The following MED13 variants were observed in gnomAD, a reference collection of about 807,000 sequenced individuals.
MED13 encodes mediator complex subunit 13.
Under a neutral mutation model 225.2 loss-of-function variants are expected in MED13, and 23 were observed. That is an observed-to-expected ratio of 0.10 (90% confidence interval 0.07 to 0.14). The LOEUF (loss-of-function observed/expected upper bound fraction) is 0.14, where lower values mean the gene tolerates loss of function less well. MED13 is among the 10% of genes least tolerant of loss of function. The pLI is 1.00. For missense variants in MED13, 2,197 were observed against 2,594.5 expected, an observed-to-expected ratio of 0.85 and a Z score of 3.33; for synonymous variants, 942 against 889.2, an observed-to-expected ratio of 1.06 and a Z score of -1.06.
chr17:61,971,126 G>T (rs1198563687), intron 17 of MED13, among the ~76,000 whole-genome samples: 1 of 151,976 alleles, frequency 6.6e-6, no homozygotes, highest in Non-Finnish European at 1.5e-5. Context: ...CAATTTGTAT[G>T]TTCATAAACA....
At chr17:61,998,166 A>G (rs1296083929) in intron 9 of MED13, among the ~76,000 whole-genome samples, 1 of 152,232 alleles carries the variant, frequency 6.6e-6, no homozygotes, top group Non-Finnish European at 1.5e-5. Context: ...CATACTGTCA[A>G]CATCAATTAT....
intron 9 of MED13, among the ~76,000 whole-genome samples, chr17:61,998,507 T>C (rs1194094511): frequency 6.6e-6 from 1 of 152,146 alleles, no homozygotes; most frequent in African/African-American, 2.4e-5. Context: ...GTATGACAGT[T>C]TTTAAGATGA....
chr17:61,961,016 T>A lies in MED13; in HGVS notation c.5331A>T (p.Gly1777=), dbSNP rs1438721953. 1 of 1,614,036 alleles carries A rather than the reference T, an allele frequency of 6.2e-7. No individual in the cohort carries two copies. The highest frequency in any genetic ancestry group is 8.5e-7 in the Non-Finnish European group (1 of 1,179,996). ...APVKDKQTEL[G]ETFGEAGQKY... is the part of the protein sequence containing the mutation. Reference sequence around the variant, plus strand: ...TCTGTCCAGCTTCTCCAAATGTTTCTCCTAGCTCTGTCTGTTTGTCCTTCA... The same window carrying A: ...TCTGTCCAGCTTCTCCAAATGTTTCACCTAGCTCTGTCTGTTTGTCCTTCA... The change falls in exon 23 of 30, where the codon GGA becomes GGT. Residue 1777 remains glycine, a synonymous_variant. Coordinates refer to ENST00000397786, the MANE Select transcript of MED13 (RefSeq NM_005121.3).
intron 3 of MED13, among the ~76,000 whole-genome samples, chr17:62,044,166 C>T (rs1163947204): frequency 6.6e-6 from 1 of 151,702 alleles, no homozygotes; most frequent in Non-Finnish European, 1.5e-5. Flanking sequence ...AAAAGCCATA[C>T]ATATGGCAGA....
At chr17:61,958,464 A>C (rs1347979132) in intron 23 of MED13, among the ~76,000 whole-genome samples, 1 of 150,580 alleles carries the variant, frequency 6.6e-6, no homozygotes, top group Non-Finnish European at 1.5e-5. Flanking sequence ...TCAGCCTCCC[A>C]AGTAGCTGGG....
chr17:62,035,352 A>G (rs1363243038), intron 4 of MED13, 111 bp downstream of exon 4: 1 of 933,566 alleles, frequency 1.1e-6, no homozygotes, highest in Non-Finnish European at 1.5e-6. Flanking sequence ...CAAAATCATC[A>G]TTAGGCTAAA....
chr17:62,029,571 G>A lies in MED13; in HGVS notation c.1253C>T (p.Ala418Val), dbSNP rs1012157271. The part of the protein sequence containing the change: ...AKVASWDFVE[A>V]TQRTNCSCLR... ...ACAACTGCAATTTGTTCTTTGTGTG[G>A]CTTCAACAAAATCCCAGGATGCCAC... Residue 418 changes from alanine to valine, a missense_variant, in exon 8 of 30, where the codon GCC (alanine) becomes GTC (valine). Ala to Val is a moderately conservative substitution (Grantham distance 64). Coordinates refer to ENST00000397786, the MANE Select transcript of MED13 (RefSeq NM_005121.3). 1.9e-6 allele frequency: 3 copies of A among 1,613,950 alleles called. No homozygotes were observed. Among genetic ancestry groups the A allele is most frequent in the Non-Finnish European group, 2.5e-6 (3 of 1,179,988 alleles).
chr17:61,993,482 G>C (rs1014359735), intron 10 of MED13, among the ~76,000 whole-genome samples: 1 of 151,592 alleles, frequency 6.6e-6, no homozygotes, highest in Non-Finnish European at 1.5e-5. Context: ...GATTACAGGC[G>C]TGAGACACAG....
chr17:61,952,940 A>T (rs2079909434), intron 27 of MED13, 25 bp downstream of exon 27: 4 of 1,605,156 alleles, frequency 2.5e-6, no homozygotes, highest in Non-Finnish European at 3.4e-6. Context: ...CGGCCGAGAA[A>T]AACTAAAACT....
intron 11 of MED13, 26 bp downstream of exon 11, chr17:61,992,514 T>A (rs757232786): frequency 1.4e-6 from 2 of 1,463,254 alleles, no homozygotes; most frequent in Admixed American, 3.4e-5. Context: ...GAATGCAATA[T>A]TTTCATTAGG....
At chr17:62,049,516 A>T (rs1303418543) in intron 3 of MED13, among the ~76,000 whole-genome samples, 1 of 152,184 alleles carries the variant, frequency 6.6e-6, no homozygotes, top group African/African-American at 2.4e-5. Context: ...GTTACAACAA[A>T]ACTTTATTTA....
At position 61,944,108 on chromosome 17, in the gene MED13, C is replaced by A. The variant is rs1469973987; in HGVS notation, c.*2360G>T. 1 of 152,490 alleles carries A rather than the reference C, an allele frequency of 6.6e-6. No individual in the cohort carries two copies. The highest frequency in any genetic ancestry group is 1.5e-5 in the Non-Finnish European group (1 of 67,984). The allele number at this position is 152,490 out of a possible 1,614,324, so 9.4% of individuals were successfully genotyped here. ...AAGAAAAAAAATCTTATCAATAAAT[C>A]CTGTATATTTGGGAACTATTCCCTG... On this transcript the variant is annotated 3_prime_UTR_variant, in exon 30 of 30. Transcript: ENST00000397786.
chr17:62,004,056 G>GA (rs1377524890), intron 9 of MED13: 1 of 152,046 alleles, frequency 6.6e-6, no homozygotes, highest in East Asian at 1.9e-4. Flanking sequence ...ACTCACTATT[G>GA]AAGGTTTTAA....
intron 3 of MED13, among the ~76,000 whole-genome samples, chr17:62,049,474 A>T (rs2080934837): frequency 6.6e-6 from 1 of 152,200 alleles, no homozygotes; most frequent in Non-Finnish European, 1.5e-5. Context: ...AAGCAGGCAT[A>T]AAACAATCTA....
intron 2 of MED13, 24 bp downstream of exon 2, chr17:62,063,043 T>C (rs373996263): frequency 1.5e-5 from 23 of 1,544,708 alleles, no homozygotes; most frequent in Non-Finnish European, 1.9e-5. Context: ...ATATCATTAG[T>C]TAGAAATGGA....
chr17:62,051,072 T>A lies in MED13; in HGVS notation c.470+1465A>T, dbSNP rs73336448. Among the ~76,000 whole-genome samples the A allele has an allele frequency of 3.8e-3, 580 of 152,336 alleles. 4 individuals carry two copies. The highest frequency in any genetic ancestry group is 0.013 in the African/African-American group (544 of 41,578). On this transcript the variant is annotated intron_variant, in intron 3 of 29. Transcript: ENST00000397786. ...CTACCCAATATCCATTTCCACTTCT[T>A]TGATCTTTGGTATCTATCTAATATC...
intron 8 of MED13, chr17:62,029,305 C>A: frequency 1.9e-6 from 1 of 515,746 alleles, no homozygotes; most frequent in Non-Finnish European, 3.4e-6. Flanking sequence ...TATTTAGCTA[C>A]TAGGAAACAA....
In MED13 at chr17:61,992,549, T is replaced by C; in HGVS notation, c.2254A>G (p.Ile752Val). 2.5e-6 allele frequency: 4 copies of C among 1,605,978 alleles called. No individual in the cohort carries two copies. Among genetic ancestry groups the C allele is most frequent in the Non-Finnish European group, 2.6e-6 (3 of 1,172,900 alleles). ...GAAATAAAGATTTTACCTTGCTTGA[T>C]AGAGGGACTAAATAATGACATAGCA... ...EDAMSLFSPS[I>V]KQDAPRPTSH... The change falls in exon 11 of 30, where the codon ATC becomes GTC. Residue 752 changes from isoleucine (I) to valine (V), a missense_variant. This residue lies in a region of MED13 where 884 missense variants were observed against 918.5 expected (regional missense o/e 0.96). Transcript: ENST00000397786.
rs1356414273 is a variant in MED13, at chr17:62,035,538, T to A, written c.541A>T (p.Asn181Tyr). 6.2e-7 allele frequency: 1 copy of A among 1,613,670 alleles called. No homozygotes were observed. The highest frequency in any genetic ancestry group is 1.3e-5 in the African/African-American group (1 of 74,926). Residue 181 changes from asparagine (N) to tyrosine (Y), a missense_variant, in exon 4 of 30, where the codon AAC becomes TAC. Transcript: ENST00000397786. Reference protein sequence around the residue: ...DSNVCTSVEINQHQPVYLLSE... With the variant: ...DSNVCTSVEIYQHQPVYLLSE... ...AGAAGGTATACAGGTTGATGTTGGTTAATTTCCACACTGGTACAAACATTG... is the reference window on the plus strand; with the variant it reads ...AGAAGGTATACAGGTTGATGTTGGTAAATTTCCACACTGGTACAAACATTG...
Sources: gnomAD v4.1 joint callset for allele counts (sites outside exome capture counted in the v4.1 genomes callset) on GRCh38, gnomAD v4.1.1 for gene constraint, gnomAD v4.1.1 regional missense constraint, MANE v1.5 for transcripts, NCBI Gene and HGNC (gene_info 2026-07-23, HGNC 2026-07-21) for gene names.